MALRD1: variants seen among roughly 807,000 people sequenced by gnomAD.
MALRD1 encodes MAM and LDL receptor class A domain containing 1.
In MALRD1, 247 loss-of-function variants were observed where a neutral mutation model predicts 242.1. That is an observed-to-expected ratio of 1.02 (90% confidence interval 0.92 to 1.13). MALRD1 has a LOEUF of 1.13. Ranked by LOEUF, MALRD1 falls within the 50% of genes most tolerant of loss-of-function variation. The pLI is 0.00. For synonymous variants in MALRD1, 995 were observed against 866.6 expected, an observed-to-expected ratio of 1.15 and a Z score of -2.60; for missense variants, 2,989 against 2,533.1, an observed-to-expected ratio of 1.18 and a Z score of -3.86.
At chr10:19,082,568 G>A (rs577277929) in intron 2 of MALRD1, among the ~76,000 whole-genome samples, 1 of 151,602 alleles carries the variant, frequency 6.6e-6, no homozygotes. Flanking sequence ...AATAAGTCTG[G>A]TCTTTCTCAG....
chr10:19,627,764 AAAAAAAAAAAAAAAGG>A (rs1351978103), intron 36 of MALRD1, among the ~76,000 whole-genome samples: 46 of 150,178 alleles, frequency 3.1e-4, no homozygotes, highest in African/African-American at 5.7e-4. Context: ...CTGTCTAAAA[AAAAAAAAAAAAAAAGG>A]AAAAAAGGAA....
chr10:19,592,773 A>G (rs1474333016), intron 33 of MALRD1, among the ~76,000 whole-genome samples: 5 of 151,408 alleles, frequency 3.3e-5, no homozygotes, highest in South Asian at 2.1e-4. Flanking sequence ...GCACGCACAC[A>G]CACACACACA....
At chr10:19,463,870 C>G (rs569601035) in intron 29 of MALRD1, among the ~76,000 whole-genome samples, 1 of 152,176 alleles carries the variant, frequency 6.6e-6, no homozygotes, top group South Asian at 2.1e-4. Context: ...ACATCCGCAC[C>G]AACATCTATT....
intron 10 of MALRD1, among the ~76,000 whole-genome samples, chr10:19,141,042 C>T (rs73591927): frequency 0.041 from 6,303 of 152,076 alleles, 409 homozygotes; most frequent in African/African-American, 0.14. Context: ...CATTACATTG[C>T]GTACCTTAGT....
chr10:19,087,828 T>G lies in MALRD1; in HGVS notation c.341-12T>G. ...TGGTTTTTTTTTGTACCCTGTCTCT[T>G]CTTTCTGATAGCTCACTTCCTCTCA... On this transcript the variant is annotated splice_polypyrimidine_tract_variant and intron_variant, in intron 2 of 39. Coordinates refer to ENST00000454679, the MANE Select transcript of MALRD1 (RefSeq NM_001142308.3). 2.5e-6 allele frequency: 3 copies of G among 1,222,038 alleles called. No homozygotes were observed. Among genetic ancestry groups the G allele is most frequent in the Non-Finnish European group, 3.1e-6 (3 of 977,486 alleles). The allele number at this position is 1,222,038 out of a possible 1,614,324, so 75.7% of individuals were successfully genotyped here.
At chr10:19,179,886 A>C (rs866689292) in intron 14 of MALRD1, among the ~76,000 whole-genome samples, 1 of 152,094 alleles carries the variant, frequency 6.6e-6, no homozygotes, top group Non-Finnish European at 1.5e-5. Context: ...GTCTCCTTTC[A>C]GTTCGTCCTT....
intron 29 of MALRD1, among the ~76,000 whole-genome samples, chr10:19,453,540 A>G (rs1835442119): frequency 6.6e-6 from 1 of 152,176 alleles, no homozygotes; most frequent in South Asian, 2.1e-4. Flanking sequence ...TTTTAAATGA[A>G]AGGAATGACT....
chr10:19,533,758 C>T (rs1368120136), intron 32 of MALRD1, among the ~76,000 whole-genome samples: 1 of 152,158 alleles, frequency 6.6e-6, no homozygotes, highest in Admixed American at 6.5e-5. Context: ...GACCCAACAG[C>T]TCCCACCAGT....
At chr10:19,396,511 G>A (rs1846586627) in intron 28 of MALRD1, among the ~76,000 whole-genome samples, 1 of 152,086 alleles carries the variant, frequency 6.6e-6, no homozygotes, top group Admixed American at 6.6e-5. Flanking sequence ...TGGCAAGGAA[G>A]ATACTTTGTT....
chr10:19,450,519 G>T (rs1835265018), intron 29 of MALRD1, 29 bp downstream of exon 29: 1 of 1,526,210 alleles, frequency 6.6e-7, no homozygotes, highest in African/African-American at 1.4e-5. Flanking sequence ...CTTCCATTTG[G>T]AAGCACATTT....
intron 38 of MALRD1, among the ~76,000 whole-genome samples, chr10:19,717,480 C>T (rs943525183): frequency 6.6e-6 from 1 of 152,166 alleles, no homozygotes; most frequent in Non-Finnish European, 1.5e-5. Context: ...CAGTTTTCCC[C>T]TCCATAACAT....
chr10:19,583,601 C>G lies in MALRD1; in HGVS notation c.5681-11593C>G, dbSNP rs562461783. Among the ~76,000 whole-genome samples the G allele has an allele frequency of 1.5e-3, 225 of 151,868 alleles. 1 individual carries two copies. Among genetic ancestry groups the G allele is most frequent in the Non-Finnish European group, 2.7e-3 (183 of 67,958 alleles). ...ACTTGATCATGGTGGATAAGCTTTT[C>G]GATGTGCTGCTGGATTCGGTTTGCC... On this transcript the variant is annotated intron_variant, in intron 33 of 39. Transcript: ENST00000454679.
intron 28 of MALRD1, among the ~76,000 whole-genome samples, chr10:19,414,907 G>A (rs192690237): frequency 5.3e-5 from 8 of 152,264 alleles, no homozygotes; most frequent in Admixed American, 5.2e-4. Context: ...AAAGACTACA[G>A]GTTTCATACT....
At chr10:19,504,513 A>G in intron 31 of MALRD1, among the ~76,000 whole-genome samples, 1 of 152,072 alleles carries the variant, frequency 6.6e-6, no homozygotes, top group East Asian at 1.9e-4. Flanking sequence ...ACTCCCTCAC[A>G]TGATTCCCAG....
intron 18 of MALRD1, among the ~76,000 whole-genome samples, chr10:19,237,644 ATTATTATAATTATATATAAAT>A (rs1838406789): frequency 4.1e-5 from 4 of 98,192 alleles, no homozygotes; most frequent in African/African-American, 7.9e-5. Flanking sequence ...TTATATATAA[ATTATTATAATTATATATAAAT>A]TATATAATTA....
chr10:19,578,638 G>A (rs1050591980), intron 33 of MALRD1, among the ~76,000 whole-genome samples: 3 of 151,982 alleles, frequency 2.0e-5, no homozygotes, highest in Non-Finnish European at 4.4e-5. Flanking sequence ...GTTGCAGTGA[G>A]CTGAGATCAT....
chr10:19,300,698 C>A (rs901219693), intron 21 of MALRD1, among the ~76,000 whole-genome samples: 1 of 151,872 alleles, frequency 6.6e-6, no homozygotes, highest in African/African-American at 2.4e-5. Context: ...ACTCCATATT[C>A]AAAAACCAAC....
At chr10:19,686,236 T>G (rs1408665093) in intron 36 of MALRD1, among the ~76,000 whole-genome samples, 1 of 152,098 alleles carries the variant, frequency 6.6e-6, no homozygotes, top group Non-Finnish European at 1.5e-5. Flanking sequence ...CAAGAGCACA[T>G]TTTGACGTTT....
chr10:19,587,156 C>G (rs1399111849), intron 33 of MALRD1, among the ~76,000 whole-genome samples: 3 of 152,184 alleles, frequency 2.0e-5, no homozygotes, highest in Non-Finnish European at 4.4e-5. Flanking sequence ...AACCCGGTAC[C>G]TCAGATGGAA....
Sources: gnomAD v4.1 joint callset for allele counts (sites outside exome capture counted in the v4.1 genomes callset) on GRCh38, gnomAD v4.1.1 for gene constraint, MANE v1.5 for transcripts, NCBI Gene and HGNC (gene_info 2026-07-23, HGNC 2026-07-21) for gene names.